DPH6: variants seen among roughly 807,000 people sequenced by gnomAD.
DPH6 encodes the protein diphthine--ammonia ligase.
DPH6 carries 33 observed loss-of-function variants against 38.2 expected under a neutral mutation model. The ratio of observed to expected loss-of-function variants is 0.86; its 90% CI spans 0.65 to 1.15. The LOEUF (loss-of-function observed/expected upper bound fraction) is 1.15, where lower values mean the gene tolerates loss of function less well. Ranked by LOEUF, DPH6 falls within the 50% of genes most tolerant of loss-of-function variation. The pLI is 0.00. For synonymous variants in DPH6, 108 were observed against 103.0 expected (o/e 1.05, Z -0.30); for missense variants, 325 against 320.0 (o/e 1.02, Z -0.12).
intron 3 of DPH6, among the ~76,000 whole-genome samples, chr15:35,263,949 G>A (rs1233342050): frequency 1.3e-5 from 2 of 151,986 alleles, no homozygotes; most frequent in Non-Finnish European, 1.5e-5. Context: ...TCCTGACCTC[G>A]TGATCTGCCC....
chr15:35,524,656 T>C (rs2054972009), intron 3 of DPH6, among the ~76,000 whole-genome samples: 1 of 152,122 alleles, frequency 6.6e-6, no homozygotes, highest in Non-Finnish European at 1.5e-5. Context: ...TTTACTTATC[T>C]GCAAAGGGTT....
intron 3 of DPH6, among the ~76,000 whole-genome samples, chr15:35,286,660 T>A (rs1024863010): frequency 6.6e-6 from 1 of 152,218 alleles, no homozygotes; most frequent in African/African-American, 2.4e-5. Flanking sequence ...TCCAGTACAT[T>A]ATCTTGTTTA....
intron 5 of DPH6, among the ~76,000 whole-genome samples, chr15:35,444,966 C>A (rs539689231): frequency 6.6e-6 from 1 of 152,246 alleles, no homozygotes; most frequent in Admixed American, 6.5e-5. Context: ...TACTGTGGTA[C>A]ATTAGTAAAA....
At chr15:35,399,319 G>A (rs1177962593) in intron 6 of DPH6, among the ~76,000 whole-genome samples, 2 of 151,850 alleles carry the variant, frequency 1.3e-5, no homozygotes, top group Non-Finnish European at 2.9e-5. Flanking sequence ...ATAAAAACAA[G>A]ATTAGAAGCA....
intron 3 of DPH6, among the ~76,000 whole-genome samples, chr15:35,527,007 C>A (rs1258433975): frequency 6.6e-6 from 1 of 152,118 alleles, no homozygotes. Flanking sequence ...GTAGAAGGAT[C>A]AATTCAATCC....
chr15:35,425,331 T>C (rs980519904), intron 5 of DPH6, among the ~76,000 whole-genome samples: 1 of 151,588 alleles, frequency 6.6e-6, no homozygotes, highest in Admixed American at 6.6e-5. Context: ...GTTTACCTTT[T>C]CAGAAGGAGT....
At chr15:35,277,965 A>G (rs72708913) in intron 3 of DPH6, among the ~76,000 whole-genome samples, 1 of 152,204 alleles carries the variant, frequency 6.6e-6, no homozygotes, top group Non-Finnish European at 1.5e-5. Flanking sequence ...GAAACAGAGC[A>G]TAAAAGTTTG....
chr15:35,374,786 A>C (rs1460259403), intron 7 of DPH6, among the ~76,000 whole-genome samples: 1 of 152,092 alleles, frequency 6.6e-6, no homozygotes, highest in Non-Finnish European at 1.5e-5. Context: ...ACATCAACCA[A>C]AGATGCCACC....
chr15:35,210,919 T>G, the DPH6 span, among the ~76,000 whole-genome samples: 1 of 151,244 alleles, frequency 6.6e-6, no homozygotes, highest in Non-Finnish European at 1.5e-5. Flanking sequence ...CATGGAATTT[T>G]TGGCTTCTAA....
intron 7 of DPH6, among the ~76,000 whole-genome samples, chr15:35,376,242 C>T (rs2052779014): frequency 6.6e-6 from 1 of 152,086 alleles, no homozygotes; most frequent in African/African-American, 2.4e-5. Flanking sequence ...GCCTAATATT[C>T]ATTAGATATT....
In DPH6 at chr15:35,372,205, TA is replaced by T. The variant is rs141638132; in HGVS notation, c.751-3del. 386,397 of 1,255,348 alleles carry T rather than the reference TA, an allele frequency of 0.31. 48,799 individuals are homozygous for T. The highest frequency in any genetic ancestry group is 0.46 in the African/African-American group (29,884 of 64,854). The allele number at this position is 1,255,348 out of a possible 1,614,324, so 77.8% of individuals were successfully genotyped here. On this transcript the variant is annotated splice_polypyrimidine_tract_variant and splice_region_variant and intron_variant, in intron 8 of 8. Coordinates refer to ENST00000256538, the MANE Select transcript of DPH6 (RefSeq NM_080650.4). ...GTAGTTGTCAGGCACTGAGGACACC[TA>T]AAAAAAAAAGGGAAGGAAAGGGAAG...
At chr15:35,189,453 C>T in the DPH6 span, among the ~76,000 whole-genome samples, 1 of 152,118 alleles carries the variant, frequency 6.6e-6, no homozygotes, top group Non-Finnish European at 1.5e-5. Context: ...AAATATAATC[C>T]ACCTTCACCT....
chr15:35,359,326 A>G (rs1273842636), intron 3 of DPH6, among the ~76,000 whole-genome samples: 1 of 152,284 alleles, frequency 6.6e-6, no homozygotes, highest in Non-Finnish European at 1.5e-5. Flanking sequence ...GTGAAAGAAA[A>G]GGGCTTGGTT....
chr15:35,285,872 G>GGTTTTTTTTTTTTTTTTTTTT (rs1555391167), intron 3 of DPH6, among the ~76,000 whole-genome samples: 2 of 52,794 alleles, frequency 3.8e-5, no homozygotes, highest in African/African-American at 1.5e-4. Context: ...TTATCTTTGA[G>GGTTTTTTTTTTTTTTTTTTTT]TTTTTTTTTT....
intron 3 of DPH6, among the ~76,000 whole-genome samples, chr15:35,232,273 A>G (rs1045472717): frequency 6.6e-6 from 1 of 152,186 alleles, no homozygotes; most frequent in Non-Finnish European, 1.5e-5. Context: ...ATTGACACAG[A>G]ACCTGGAGTT....
intron 3 of DPH6, among the ~76,000 whole-genome samples, chr15:35,259,144 C>CAA (rs3028681): frequency 5.2e-5 from 7 of 133,868 alleles, no homozygotes; most frequent in Non-Finnish European, 6.2e-5. Flanking sequence ...GACTCCGTCT[C>CAA]AAAAAAAAAA....
chr15:35,352,436 C>A (rs1386085444), intron 3 of DPH6, among the ~76,000 whole-genome samples: 2 of 152,162 alleles, frequency 1.3e-5, no homozygotes, highest in Non-Finnish European at 2.9e-5. Flanking sequence ...CCCGCTACCC[C>A]CACCCCACAA....
intron 3 of DPH6, among the ~76,000 whole-genome samples, chr15:35,259,159 AAAG>A (rs1195109211): frequency 6.6e-6 from 1 of 151,762 alleles, no homozygotes; most frequent in Non-Finnish European, 1.5e-5. Context: ...AAAAAAAAAA[AAAG>A]ATTCCTACTA....
chr15:35,445,395 C>CAAAA (rs11331685), intron 5 of DPH6, among the ~76,000 whole-genome samples: 3 of 125,516 alleles, frequency 2.4e-5, no homozygotes, highest in Admixed American at 8.0e-5. Context: ...TCATCATCAT[C>CAAAA]AAAAAAAAAA....
Sources: allele counts gnomAD v4.1 joint callset (sites outside exome capture counted in the v4.1 genomes callset), GRCh38; gene constraint gnomAD v4.1.1; transcripts MANE v1.5; gene names NCBI Gene and HGNC (gene_info 2026-07-23, HGNC 2026-07-21).